Variants in SYT16 observed in about 807,000 individuals in gnomAD.
SYT16 encodes the protein synaptotagmin-16.
Under a neutral mutation model 61.4 loss-of-function variants are expected in SYT16, and 42 were observed. The ratio of observed to expected loss-of-function variants is 0.68; its 90% CI spans 0.53 to 0.89. The LOEUF (loss-of-function observed/expected upper bound fraction) is 0.89. Ranked by LOEUF, SYT16 falls within the 40% of genes least tolerant of loss-of-function variation. The probability of loss-of-function intolerance (pLI) is 0.00; values close to 1 mark genes in which losing one functional copy is unlikely to be tolerated. For synonymous variants in SYT16, 314 were observed against 302.3 expected (o/e 1.04, Z -0.40); for missense variants, 804 against 807.3 (o/e 1.00, Z 0.05).
chr14:62,069,607 C>G lies in SYT16; in HGVS notation c.528C>G (p.Asn176Lys). Reference sequence around the variant, plus strand: ...ATGGCTCTTGTTTACTCCCAGTCAACAGCTTTGGGGATGACGAAGAGCTGT... The same window carrying G: ...ATGGCTCTTGTTTACTCCCAGTCAAGAGCTTTGGGGATGACGAAGAGCTGT... ...LETVNGKKQV[N>K]SFGDDEELST... The change falls in exon 4 of 8, where the codon AAC becomes AAG. Residue 176 changes from asparagine (N) to lysine (K), a missense_variant. By Grantham distance (94) the Asn-to-Lys change is moderately conservative (BLOSUM62 0). Coordinates refer to ENST00000683842, the MANE Select transcript of SYT16 (RefSeq NM_001367656.1). 6.2e-7 allele frequency: 1 copy of G among 1,613,822 alleles called. No individual in the cohort carries two copies. Among genetic ancestry groups the G allele is most frequent in the South Asian group, 1.1e-5 (1 of 91,080 alleles).
intron 1 of SYT16, among the ~76,000 whole-genome samples, chr14:61,934,510 T>C (rs1421488877): frequency 6.6e-6 from 1 of 152,256 alleles, no homozygotes; most frequent in Non-Finnish European, 1.5e-5. Context: ...GAAGAAATGA[T>C]GTGGTTTGGG....
chr14:62,047,382 A>G (rs562578290), intron 3 of SYT16, among the ~76,000 whole-genome samples: 10,535 of 151,726 alleles, frequency 0.069, 439 homozygotes, highest in East Asian at 0.12. Context: ...GGGCTGAGAC[A>G]ATGGGGTTTT....
At chr14:61,958,207 A>G (rs1188039615) in intron 1 of SYT16, among the ~76,000 whole-genome samples, 3 of 148,708 alleles carry the variant, frequency 2.0e-5, no homozygotes, top group Non-Finnish European at 4.5e-5. Context: ...GATTTTGTTT[A>G]TCTTTTCAGA....
chr14:62,045,351 T>A (rs1417116550), intron 3 of SYT16, among the ~76,000 whole-genome samples: 4 of 152,110 alleles, frequency 2.6e-5, no homozygotes, highest in African/African-American at 9.7e-5. Context: ...TGGACAAAGG[T>A]GTATAAAAGC....
chr14:61,859,800 G>A lies in SYT16; in HGVS notation c.-325+46990G>A, dbSNP rs571897357. Among the ~76,000 whole-genome samples, 3 of 152,146 alleles carry A rather than the reference G, an allele frequency of 2.0e-5. No homozygotes were observed. In the South Asian group the frequency reaches 6.2e-4, roughly 32 times the overall value. ...CATTGGCACACTTGGGGCTCCAAGC[G>A]AACTATATTATAATAAGCAGCAACA... On this transcript the variant is annotated intron_variant, in intron 1 of 7. Coordinates refer to ENST00000683842, the MANE Select transcript of SYT16 (RefSeq NM_001367656.1).
chr14:62,092,950 C>T (rs1225835440), intron 7 of SYT16, among the ~76,000 whole-genome samples: 1 of 151,802 alleles, frequency 6.6e-6, no homozygotes, highest in Non-Finnish European at 1.5e-5. Flanking sequence ...GAGGATATTG[C>T]AAAACCAGGT....
At chr14:62,003,487 TTCTC>T (rs1283032930) in intron 3 of SYT16, among the ~76,000 whole-genome samples, 2 of 151,958 alleles carry the variant, frequency 1.3e-5, no homozygotes, top group African/African-American at 4.8e-5. Context: ...CTTGTGTTCT[TTCTC>T]TCCTTGAGAT....
intron 5 of SYT16, chr14:62,079,392 C>T: frequency 8.2e-7 from 1 of 1,216,136 alleles, no homozygotes; most frequent in Middle Eastern, 2.2e-4. Flanking sequence ...TACTGTCTGT[C>T]AAGTCCTCTA....
rs535754875 is a variant in SYT16 at position 61,842,831 on chromosome 14, C to T, written c.-325+30021C>T. On this transcript the variant is annotated intron_variant, in intron 1 of 7. Transcript: ENST00000683842. Reference sequence around the variant, plus strand: ...AGGAGATATACCTAATGCTAAATGACGAGTTAATGGGTGCAGCACACCAAC... The same window carrying T: ...AGGAGATATACCTAATGCTAAATGATGAGTTAATGGGTGCAGCACACCAAC... 4.2e-3 allele frequency among the ~76,000 whole-genome samples: 640 copies of T among 151,868 alleles called. 8 individuals are homozygous for T. Among genetic ancestry groups the T allele is most frequent in the South Asian group, 0.032 (153 of 4,790 alleles).
chr14:61,843,503 C>T (rs779123811), intron 1 of SYT16, among the ~76,000 whole-genome samples: 38 of 152,164 alleles, frequency 2.5e-4, no homozygotes, highest in Admixed American at 7.2e-4. Context: ...GAAATGTTTC[C>T]CTGATGTTTT....
chr14:62,057,473 A>T (rs1464657450), intron 3 of SYT16, among the ~76,000 whole-genome samples: 2 of 152,140 alleles, frequency 1.3e-5, no homozygotes, highest in African/African-American at 4.8e-5. Flanking sequence ...TCTCGGCTGG[A>T]TTTAAAGGTT....
intron 3 of SYT16, among the ~76,000 whole-genome samples, chr14:62,018,630 GCT>G (rs1300051394): frequency 1.5e-4 from 23 of 152,176 alleles, no homozygotes; most frequent in African/African-American, 5.5e-4. Flanking sequence ...CTTCTAAAAT[GCT>G]AGTTATGCTT....
At chr14:61,835,733 A>G (rs1594725804) in intron 1 of SYT16, among the ~76,000 whole-genome samples, 1 of 152,240 alleles carries the variant, frequency 6.6e-6, no homozygotes, top group East Asian at 1.9e-4. Context: ...TAATATTTTG[A>G]TGTTGCCAAA....
intron 3 of SYT16, among the ~76,000 whole-genome samples, chr14:62,068,455 A>G (rs12435767): frequency 0.066 from 10,118 of 152,280 alleles, 465 homozygotes; most frequent in East Asian, 0.11. Flanking sequence ...CAAAGTATAC[A>G]AAGCGGATAT....
chr14:61,859,971 G>C (rs1406879520), intron 1 of SYT16, among the ~76,000 whole-genome samples: 1 of 152,166 alleles, frequency 6.6e-6, no homozygotes, highest in African/African-American at 2.4e-5. Flanking sequence ...TATAAAACAA[G>C]TCCCTAAATA....
Position 61,897,946 on chromosome 14 carries a change from G to A in SYT16, c.-324-72186G>A, listed in dbSNP as rs117201449. Among the ~76,000 whole-genome samples the A allele has an allele frequency of 7.1e-3, 1,077 of 152,212 alleles. 8 individuals are homozygous for A. Among genetic ancestry groups the A allele is most frequent in the Non-Finnish European group, 0.01 (705 of 68,018 alleles). ...TCTTGGGGCTGCACTTGCTGCACAC[G>A]TGGTTCTTCCTGTAGTTACTCAAAT... On this transcript the variant is annotated intron_variant, in intron 1 of 7. Coordinates refer to ENST00000683842, the MANE Select transcript of SYT16 (RefSeq NM_001367656.1).
intron 1 of SYT16, among the ~76,000 whole-genome samples, chr14:61,936,041 C>A (rs1415588124): frequency 1.3e-5 from 2 of 152,006 alleles, no homozygotes; most frequent in African/African-American, 2.4e-5. Flanking sequence ...TTATTGGAAT[C>A]TTCTTTAGAA....
rs1171793882 is a variant in SYT16 at position 61,996,227 on chromosome 14, G to A, written c.208G>A (p.Glu70Lys). Residue 70 changes from glutamate to lysine, a missense_variant, in exon 3 of 8, where the codon GAA (glutamate) becomes AAA (lysine). Transcript: ENST00000683842. The stretch of plus-strand genomic sequence containing the variant: ...GATTCAGGAAACGTACTTTGAAGAT[G>A]AAGAACAAGACAATGATTGGAGTCA... ...IQIQETYFED[E>K]EQDNDWSQED... 1.9e-6 allele frequency: 3 copies of A among 1,613,470 alleles called. No individual in the cohort carries two copies. The highest frequency in any genetic ancestry group is 2.7e-5 in the African/African-American group (2 of 74,894).
At chr14:62,080,206 C>T (rs551460452) in intron 5 of SYT16, among the ~76,000 whole-genome samples, 12 of 152,334 alleles carry the variant, frequency 7.9e-5, no homozygotes, top group South Asian at 4.1e-4. Flanking sequence ...AGGCTAGCAG[C>T]GTCAACATCC....
Sources: gnomAD v4.1 joint callset for allele counts (sites outside exome capture counted in the v4.1 genomes callset) on GRCh38, gnomAD v4.1.1 for gene constraint, MANE v1.5 for transcripts, NCBI Gene and HGNC (gene_info 2026-07-23, HGNC 2026-07-21) for gene names.